PCDHA3: variants seen among roughly 807,000 people sequenced by gnomAD.
The protein encoded by PCDHA3 is protocadherin alpha 3.
PCDHA3 carries 41 observed loss-of-function variants against 62.2 expected under a neutral mutation model. The ratio of observed to expected loss-of-function variants is 0.66; its 90% CI spans 0.51 to 0.86. PCDHA3 has a LOEUF of 0.86. PCDHA3 is among the 40% of genes least tolerant of loss of function. The pLI is 0.00. For missense variants in PCDHA3, 1,304 were observed against 1,241.2 expected (o/e 1.05, Z -0.76); for synonymous variants, 640 against 555.4 (o/e 1.15, Z -2.14).
chr5:140,831,517 C>A (rs1771584524), intron 1 of PCDHA3, among the ~76,000 whole-genome samples: 3 of 130,048 alleles, frequency 2.3e-5, no homozygotes, highest in South Asian at 5.1e-4. Flanking sequence ...CCATGCCCCC[C>A]ACCTTTTTTT....
At chr5:140,824,331 T>C (rs1223320069) in intron 1 of PCDHA3, 1 of 643,184 alleles carries the variant, frequency 1.6e-6, no homozygotes, top group African/African-American at 1.8e-5. Flanking sequence ...TCTGTGATAT[T>C]AAGTGTTTTT....
chr5:141,004,715 G>T (rs989871938), intron 3 of PCDHA3, among the ~76,000 whole-genome samples: 2 of 152,162 alleles, frequency 1.3e-5, no homozygotes, highest in African/African-American at 2.4e-5. Flanking sequence ...CGAATCAGAG[G>T]TTTTTAAATA....
chr5:140,952,531 C>T (rs1463200514), intron 1 of PCDHA3, among the ~76,000 whole-genome samples: 1 of 152,138 alleles, frequency 6.6e-6, no homozygotes, highest in Non-Finnish European at 1.5e-5. Context: ...CCTCCTCAGA[C>T]TGGACTTCTT....
intron 1 of PCDHA3, chr5:140,861,768 T>TATCA (rs1554155221): frequency 1.3e-5 from 2 of 158,832 alleles, no homozygotes; most frequent in African/African-American, 4.8e-5. Context: ...TCCCTGGAAA[T>TATCA]ACCAAGAGCA....
chr5:140,967,212 C>T, intron 1 of PCDHA3: 1 of 1,613,630 alleles, frequency 6.2e-7, no homozygotes, highest in Middle Eastern at 1.6e-4. Flanking sequence ...CCGCGTTTCC[C>T]GCGGCCCAAC....
rs782085408 is a variant in PCDHA3, at chr5:140,870,885, C to A, written c.2394+67294C>A. On this transcript the variant is annotated intron_variant, in intron 1 of 3. Coordinates refer to ENST00000522353, the MANE Select transcript of PCDHA3 (RefSeq NM_018906.3). ...CGGGCCACGTGGTGGCGAAGGTGCG[C>A]GCAGTGGATGCGGACTCAGGCTACA... 5 of 1,613,800 alleles carry A rather than the reference C, an allele frequency of 3.1e-6. No individual in the cohort carries two copies. The African/African-American group carries it at 5.3e-5, about 17-fold the overall frequency.
intron 1 of PCDHA3, chr5:140,858,035 A>T: frequency 6.3e-7 from 1 of 1,597,220 alleles, no homozygotes; most frequent in East Asian, 2.2e-5. Context: ...GGCCACGGCC[A>T]CTGTGCTTGT....
At chr5:140,806,222 G>A (rs1291853395) in intron 1 of PCDHA3, among the ~76,000 whole-genome samples, 2 of 152,080 alleles carry the variant, frequency 1.3e-5, no homozygotes, top group Non-Finnish European at 2.9e-5. Flanking sequence ...AGGACAAAAT[G>A]AACATGCTTG....
chr5:140,871,553 GT>G lies in PCDHA3; in HGVS notation c.2394+67970del, dbSNP rs555355563. 1.1e-3 allele frequency: 1,577 copies of G among 1,491,202 alleles called. 1 individual carries two copies. The highest frequency in any genetic ancestry group is 2.7e-3 in the Middle Eastern group (15 of 5,580). 92.4% of individuals were successfully genotyped at this position (1,491,202 alleles called of 1,614,324 possible). On this transcript the variant is annotated intron_variant, in intron 1 of 3. Transcript: ENST00000522353. ...TGTATGTGAAATTATTTAAAATCCA[GT>G]TTTTTTTCACGGATTTTTTAAGGGA...
chr5:140,804,613 C>T (rs1387734654), intron 1 of PCDHA3: 3 of 152,808 alleles, frequency 2.0e-5, no homozygotes, highest in African/African-American at 7.2e-5. Flanking sequence ...AATGTTATTA[C>T]TGGTTAACTT....
chr5:140,964,969 G>T (rs2095866914), intron 1 of PCDHA3, among the ~76,000 whole-genome samples: 1 of 152,190 alleles, frequency 6.6e-6, no homozygotes, highest in South Asian at 2.1e-4. Flanking sequence ...TGGAACGAAG[G>T]GATGTGCTAG....
intron 3 of PCDHA3, among the ~76,000 whole-genome samples, chr5:141,006,808 A>T (rs576819521): frequency 1.3e-5 from 2 of 152,322 alleles, no homozygotes; most frequent in East Asian, 3.9e-4. Flanking sequence ...TTCTGGCTTG[A>T]GAAATGGGGT....
At chr5:140,953,104 G>T (rs535123595) in intron 1 of PCDHA3, among the ~76,000 whole-genome samples, 1 of 152,244 alleles carries the variant, frequency 6.6e-6, no homozygotes, top group African/African-American at 2.4e-5. Flanking sequence ...CATGAGATTT[G>T]GGCAGGGACA....
intron 1 of PCDHA3, among the ~76,000 whole-genome samples, chr5:140,960,655 T>C (rs2153725891): frequency 6.6e-6 from 1 of 152,296 alleles, no homozygotes; most frequent in East Asian, 1.9e-4. Context: ...TCCAAATCAA[T>C]GAATGCTTTG....
chr5:140,821,780 T>C (rs2150110627), intron 1 of PCDHA3: 2 of 1,609,478 alleles, frequency 1.2e-6, no homozygotes, highest in Admixed American at 1.7e-5. Flanking sequence ...ATTGAGATGG[T>C]ATATTCCCGG....
chr5:140,930,358 T>A (rs1253370170), intron 1 of PCDHA3: 1 of 152,216 alleles, frequency 6.6e-6, no homozygotes, highest in African/African-American at 2.4e-5. Context: ...AATATTTCAA[T>A]TTATCTGTTA....
At chr5:140,839,504 C>A (rs1554137483) in intron 1 of PCDHA3, among the ~76,000 whole-genome samples, 1 of 152,000 alleles carries the variant, frequency 6.6e-6, no homozygotes, top group Non-Finnish European at 1.5e-5. Flanking sequence ...ATCTTCCTAC[C>A]TCAGCCTCTC....
At chr5:140,989,315 C>T (rs1285439327) in intron 3 of PCDHA3, among the ~76,000 whole-genome samples, 1 of 152,130 alleles carries the variant, frequency 6.6e-6, no homozygotes, top group East Asian at 1.9e-4. Flanking sequence ...AGTAGGGTCT[C>T]ACCAACTTTG....
intron 1 of PCDHA3, chr5:140,969,441 G>T (rs1554231808): frequency 1.9e-6 from 3 of 1,543,640 alleles, no homozygotes; most frequent in Non-Finnish European, 2.6e-6. Flanking sequence ...GAGTTATCTG[G>T]TAAACTGAGT....
Sources: gnomAD v4.1 joint callset for allele counts (sites outside exome capture counted in the v4.1 genomes callset) on GRCh38, gnomAD v4.1.1 for gene constraint, MANE v1.5 for transcripts, NCBI Gene and HGNC (gene_info 2026-07-23, HGNC 2026-07-21) for gene names.